The following CDH23 variants were observed in gnomAD, a reference collection of about 807,000 sequenced individuals.
CDH23 encodes cadherin related 23, also known as cadherin-23.
A neutral mutation model predicts 317.1 loss-of-function variants in CDH23; 189 were observed. The ratio of observed to expected loss-of-function variants is 0.60; its 90% confidence interval spans 0.53 to 0.67. The LOEUF is 0.67. Among genes scored for constraint, CDH23 ranks in the 30% least tolerant of loss-of-function variants. The pLI is 0.00. For missense variants in CDH23, 4,401 were observed against 4,592.4 expected (o/e 0.96, Z 1.20); for synonymous variants, 1,839 against 1,876.8 (o/e 0.98, Z 0.52).
intron 9 of CDH23, among the ~76,000 whole-genome samples, chr10:71,595,722 G>A (rs1357711183): frequency 2.0e-5 from 3 of 152,142 alleles, no homozygotes; most frequent in East Asian, 1.9e-4. Context: ...AACGCTCTGC[G>A]GGAGTCATTG....
chr10:71,397,556 G>T lies in CDH23; in HGVS notation c.-6+238G>T, dbSNP rs1228033654. ...CGGCAACTTTGATTCCTGGGAACTC[G>T]AATTCCATTCGCGTTGGCCTTGGGA... is the stretch of plus-strand genomic sequence containing the variant. On this transcript the variant is annotated intron_variant, in intron 1 of 69. Coordinates refer to ENST00000224721, the MANE Select transcript of CDH23 (RefSeq NM_022124.6). The surrounding 1 kb of genome is among the most constrained non-coding windows in gnomAD (Gnocchi z 4.8). Among the ~76,000 whole-genome samples the T allele has an allele frequency of 6.6e-6, 1 of 152,070 alleles. No individual in the cohort carries two copies. The highest frequency in any genetic ancestry group is 1.5e-5 in the Non-Finnish European group (1 of 67,998).
At chr10:71,495,831 A>AGGAAGGAAG (rs1564615558) in intron 3 of CDH23, among the ~76,000 whole-genome samples, 2 of 148,428 alleles carry the variant, frequency 1.3e-5, no homozygotes, top group African/African-American at 5.2e-5. Context: ...AAAGAAAGAA[A>AGGAAGGAAG]GAAAGAAAGA....
chr10:71,403,496 TCC>T (rs1847950879), intron 1 of CDH23, among the ~76,000 whole-genome samples: 1 of 134,416 alleles, frequency 7.4e-6, no homozygotes, highest in Non-Finnish European at 1.5e-5. Context: ...CTTCCTTCCT[TCC>T]TTCCTTCCTT....
rs769779490 is a variant in CDH23 at position 71,812,549 on chromosome 10, T to C, written c.9450T>C (p.Asp3150=). ...LELAAQAEHE[D]DLPENLSEIA... is the part of the protein sequence containing the mutation. ...TGGCCGCCCAGGCGGAGCATGAGGATGACCTACCGGAGAACCTGAGTGAGA... is the reference window on the plus strand; with the variant it reads ...TGGCCGCCCAGGCGGAGCATGAGGACGACCTACCGGAGAACCTGAGTGAGA... The change falls in exon 67 of 70, where the codon GAT becomes GAC. Residue 3150 remains aspartate, a synonymous_variant. Coordinates refer to ENST00000224721, the MANE Select transcript of CDH23 (RefSeq NM_022124.6). 25 of 1,613,648 alleles carry C rather than the reference T, an allele frequency of 1.5e-5. 1 individual carries two copies. The East Asian group carries it at 1.6e-4, about 10-fold the overall frequency.
intron 9 of CDH23, among the ~76,000 whole-genome samples, chr10:71,584,646 A>T (rs1401705961): frequency 1.3e-5 from 2 of 151,910 alleles, no homozygotes; most frequent in African/African-American, 4.8e-5. Context: ...CAATAACTGA[A>T]TCGGGCCTCT....
At chr10:71,472,109 C>T (rs1479331843) in intron 3 of CDH23, among the ~76,000 whole-genome samples, 1 of 152,220 alleles carries the variant, frequency 6.6e-6, no homozygotes, top group Non-Finnish European at 1.5e-5. Flanking sequence ...TGGCCACCTC[C>T]AGCCCTGCTC....
intron 38 of CDH23, among the ~76,000 whole-genome samples, chr10:71,745,755 A>G (rs536003224): frequency 1.3e-5 from 2 of 152,332 alleles, no homozygotes; most frequent in South Asian, 4.1e-4. Flanking sequence ...TGCGTGTATG[A>G]GGAAGGAGCA....
intron 6 of CDH23, among the ~76,000 whole-genome samples, chr10:71,550,568 AAAAAAAAAAG>A (rs1276483124): frequency 3.5e-5 from 4 of 113,640 alleles, no homozygotes; most frequent in African/African-American, 6.3e-5. Flanking sequence ...TCAAAAAAAA[AAAAAAAAAAG>A]AAAAAAGAAA....
chr10:71,596,758 T>C (rs1055166944), intron 9 of CDH23, among the ~76,000 whole-genome samples: 3 of 152,180 alleles, frequency 2.0e-5, no homozygotes, highest in African/African-American at 7.2e-5. Context: ...TTGCAGAAAG[T>C]GCTGGAAGCC....
Position 71,471,627 on chromosome 10 carries a change from C to T in CDH23, c.145+25232C>T, listed in dbSNP as rs139728064. Among the ~76,000 whole-genome samples the T allele has an allele frequency of 4.0e-3, 606 of 152,300 alleles. 3 individuals carry two copies. Among genetic ancestry groups the T allele is most frequent in the African/African-American group, 0.014 (561 of 41,550 alleles). On this transcript the variant is annotated intron_variant, in intron 3 of 69. Coordinates refer to ENST00000224721, the MANE Select transcript of CDH23 (RefSeq NM_022124.6). ...CTGGAAGCTGCACCAGGAGGGCCAGCGCCACCCCCATTGACGTGTCCCCGT... is the reference window on the plus strand; with the variant it reads ...CTGGAAGCTGCACCAGGAGGGCCAGTGCCACCCCCATTGACGTGTCCCCGT...
intron 9 of CDH23, among the ~76,000 whole-genome samples, chr10:71,601,984 C>T (rs911293309): frequency 1.3e-5 from 2 of 151,820 alleles, no homozygotes; most frequent in Admixed American, 1.3e-4. Flanking sequence ...CTGCAGCCCC[C>T]AGGGGACCCC....
chr10:71,799,489 C>T lies in CDH23; in HGVS notation c.7225-3C>T. The T allele has an allele frequency of 6.2e-7, 1 of 1,614,064 alleles. No homozygotes were observed. Among genetic ancestry groups the T allele is most frequent in the Non-Finnish European group, 8.5e-7 (1 of 1,179,912 alleles). ...CTCTCTCTCCCTGCCCCCTGGGCTC[C>T]AGGAGGCTGTCTTTGAGGATGTGCC... is the stretch of plus-strand genomic sequence containing the variant. On this transcript the variant is annotated splice_region_variant and splice_polypyrimidine_tract_variant and intron_variant, in intron 51 of 69. Coordinates refer to ENST00000224721, the MANE Select transcript of CDH23 (RefSeq NM_022124.6).
At position 71,701,944 on chromosome 10, in the gene CDH23, G is replaced by A. The variant is rs1865603022; in HGVS notation, c.2398-78G>A. The A allele has an allele frequency of 7.4e-6, 11 of 1,490,276 alleles. No individual in the cohort carries two copies. The Admixed American group carries it at 1.8e-4, about 25-fold the overall frequency. The allele number at this position is 1,490,276 out of a possible 1,614,324, so 92.3% of individuals were successfully genotyped here. On this transcript the variant is annotated intron_variant, in intron 22 of 69. Coordinates refer to ENST00000224721, the MANE Select transcript of CDH23 (RefSeq NM_022124.6). ...TCCCCTCCCCAGGACCAACGTCTGA[G>A]CTCAGATACTCCCGGCCAGCCCAGA...
At chr10:71,484,482 G>T (rs1253645822) in intron 3 of CDH23, among the ~76,000 whole-genome samples, 1 of 152,170 alleles carries the variant, frequency 6.6e-6, no homozygotes, top group African/African-American at 2.4e-5. Flanking sequence ...CAGGCTGGCT[G>T]CTGGGGAGGC....
At chr10:71,741,248 A>G (rs762315688) in intron 37 of CDH23, among the ~76,000 whole-genome samples, 7 of 152,218 alleles carry the variant, frequency 4.6e-5, no homozygotes, top group Non-Finnish European at 1.0e-4. Flanking sequence ...TTTATTATTC[A>G]GCCCTAAGAC....
At chr10:71,695,872 C>T (rs1045114470) in intron 22 of CDH23, among the ~76,000 whole-genome samples, 1 of 152,188 alleles carries the variant, frequency 6.6e-6, no homozygotes, top group Non-Finnish European at 1.5e-5. Context: ...AGAGCTCCCA[C>T]CCCTACACTG....
chr10:71,569,678 G>A (rs1448983452), intron 7 of CDH23, among the ~76,000 whole-genome samples: 1 of 152,226 alleles, frequency 6.6e-6, no homozygotes, highest in South Asian at 2.1e-4. Flanking sequence ...CTGTGGACAA[G>A]TTACTCAGCC....
At chr10:71,479,418 A>G (rs1459917151) in intron 3 of CDH23, among the ~76,000 whole-genome samples, 1 of 152,148 alleles carries the variant, frequency 6.6e-6, no homozygotes, top group Non-Finnish European at 1.5e-5. Context: ...CCCGCAGGAA[A>G]GCAGGAGTGA....
intron 14 of CDH23, among the ~76,000 whole-genome samples, chr10:71,667,359 A>AGAGAGAGAGAGAGTGTGT (rs58361666): frequency 5.2e-4 from 58 of 112,110 alleles, no homozygotes; most frequent in Non-Finnish European, 8.3e-4. Flanking sequence ...AGAGAGAGAG[A>AGAGAGAGAGAGAGTGTGT]GTGTGTGTGT....
Sources: gnomAD v4.1 joint callset for allele counts (sites outside exome capture counted in the v4.1 genomes callset) on GRCh38, gnomAD v4.1.1 for gene constraint, Gnocchi (gnomAD v3.1) non-coding constraint, MANE v1.5 for transcripts, NCBI Gene and HGNC (gene_info 2026-07-23, HGNC 2026-07-21) for gene names.